RNF125: variants seen among roughly 807,000 people sequenced by gnomAD.
RNF125 encodes the protein E3 ubiquitin-protein ligase RNF125.
Under a neutral mutation model 26.0 loss-of-function variants are expected in RNF125, and 21 were observed. That is an observed-to-expected ratio of 0.81 (90% confidence interval 0.57 to 1.16). The LOEUF is 1.16. Ranked by LOEUF, RNF125 falls within the 50% of genes most tolerant of loss-of-function variation. The probability of loss-of-function intolerance (pLI) is 0.00; values close to 1 mark genes in which losing one functional copy is unlikely to be tolerated. For missense variants in RNF125, 270 were observed against 299.4 expected (o/e 0.90, Z 0.72); for synonymous variants, 95 against 109.2 (o/e 0.87, Z 0.81).
chr18:32,075,757 A>G (rs1053596500), downstream of RNF125: 9 of 527,528 alleles, frequency 1.7e-5, no homozygotes, highest in South Asian at 1.1e-4. Flanking sequence ...TAAAAGCATC[A>G]ATCTGATTGT....
At chr18:32,076,067 T>G, downstream of RNF125, 1 of 697,006 alleles carries the variant, frequency 1.4e-6, no homozygotes, top group Middle Eastern at 4.2e-4. Context: ...ACTCTACACT[T>G]GTTTAGCCTG....
At chr18:32,060,192 G>A (rs1256644260) in intron 4 of RNF125, among the ~76,000 whole-genome samples, 5 of 152,174 alleles carry the variant, frequency 3.3e-5, no homozygotes, top group Admixed American at 2.6e-4. Flanking sequence ...CAGGGCTAAG[G>A]GGATCAACTG....
At chr18:32,035,492 G>A (rs2039143985) in intron 1 of RNF125, among the ~76,000 whole-genome samples, 1 of 152,166 alleles carries the variant, frequency 6.6e-6, no homozygotes, top group Non-Finnish European at 1.5e-5. Flanking sequence ...TCATCAGCAA[G>A]TATTTAAATA....
chr18:32,085,016 AG>A, the RNF125 span, among the ~76,000 whole-genome samples: 1 of 152,270 alleles, frequency 6.6e-6, no homozygotes, highest in East Asian at 1.9e-4. Context: ...GTGTGAGGAG[AG>A]AATTTAAGCT....
intron 4 of RNF125, 90 bp downstream of exon 4, chr18:32,045,822 T>C: frequency 1.3e-6 from 1 of 750,152 alleles, no homozygotes; most frequent in Non-Finnish European, 2.2e-6. Flanking sequence ...TATAGATACC[T>C]TATAAAGGAT....
chr18:32,024,874 A>T (rs1196575432), intron 1 of RNF125, among the ~76,000 whole-genome samples: 3 of 152,164 alleles, frequency 2.0e-5, no homozygotes, highest in African/African-American at 7.2e-5. Flanking sequence ...TGAGCCCAGG[A>T]GTTGGAAACC....
At chr18:32,044,314 A>C (rs2039247764) in intron 3 of RNF125, among the ~76,000 whole-genome samples, 2 of 152,120 alleles carry the variant, frequency 1.3e-5, no homozygotes, top group Admixed American at 6.6e-5. Flanking sequence ...CTAGAAATAT[A>C]ATGTTAATCA....
chr18:32,068,513 TTTATTG>T lies in RNF125; in HGVS notation c.*134_*139del, dbSNP rs1460057078. ...CAACACAGTTATGTGTTTGTCCATG[TTTATTG>T]TTATAGTGCATTTAAAAACTGCTTT... On this transcript the variant is annotated 3_prime_UTR_variant, in exon 6 of 6. Transcript: ENST00000217740. 362 of 612,848 alleles carry T rather than the reference TTTATTG, an allele frequency of 5.9e-4. No individual in the cohort carries two copies. In the African/African-American group the frequency reaches 6.0e-3, roughly 10 times the overall value. The allele number at this position is 612,848 out of a possible 1,614,324, so 38.0% of individuals were successfully genotyped here.
intron 4 of RNF125, among the ~76,000 whole-genome samples, chr18:32,064,405 T>TTC (rs1211011488): frequency 7.4e-6 from 1 of 135,924 alleles, no homozygotes; most frequent in East Asian, 2.1e-4. Flanking sequence ...TCTTTTTTTT[T>TTC]TTTTTTTTTT....
chr18:32,087,476 G>A, the RNF125 span, among the ~76,000 whole-genome samples: 1 of 151,804 alleles, frequency 6.6e-6, no homozygotes. Context: ...ATCTGACACT[G>A]TCTCTGGGTA....
At chr18:32,083,046 G>C in the RNF125 span, among the ~76,000 whole-genome samples, 1 of 152,226 alleles carries the variant, frequency 6.6e-6, no homozygotes, top group Admixed American at 6.5e-5. Flanking sequence ...TGATGCCCAT[G>C]AGATGCTGTG....
rs1250556254 is a variant in RNF125, at chr18:32,068,666, G to A, written c.*282G>A. The stretch of plus-strand genomic sequence containing the variant: ...ACAGGTGGTAGGCAAGTAGGTGGAG[G>A]ATCTCGGTTTGCAAATTAGATAATA... On this transcript the variant is annotated 3_prime_UTR_variant, in exon 6 of 6. Coordinates refer to ENST00000217740, the MANE Select transcript of RNF125 (RefSeq NM_017831.4). The A allele has an allele frequency of 1.3e-5, 4 of 312,932 alleles. No individual in the cohort carries two copies. The highest frequency in any genetic ancestry group is 1.8e-5 in the Non-Finnish European group (3 of 167,196). 19.4% of individuals were successfully genotyped at this position (312,932 alleles called of 1,614,324 possible).
Position 32,019,047 on chromosome 18 carries a change from G to A in RNF125, c.164+20G>A. 1.2e-6 allele frequency: 2 copies of A among 1,610,400 alleles called. No individual in the cohort carries two copies. Among genetic ancestry groups the A allele is most frequent in the Non-Finnish European group, 1.7e-6 (2 of 1,178,496 alleles). On this transcript the variant is annotated intron_variant, in intron 1 of 5. Transcript: ENST00000217740. ...CCACGTGTAAGTTCCAGGGGAGCTC[G>A]GTTTGCGCCCACCCCTAAGGAGGGC...
At chr18:32,030,323 G>A (rs547798906) in intron 1 of RNF125, among the ~76,000 whole-genome samples, 13 of 152,192 alleles carry the variant, frequency 8.5e-5, no homozygotes, top group Non-Finnish European at 1.6e-4. Context: ...GATTACAGGC[G>A]TGAGCCACCC....
intron 1 of RNF125, among the ~76,000 whole-genome samples, chr18:32,020,220 G>T (rs1230863010): frequency 6.6e-6 from 1 of 152,110 alleles, no homozygotes; most frequent in East Asian, 2.0e-4. Context: ...GCTAGTTTTT[G>T]AATTTTGAGT....
At chr18:32,089,192 T>C in the RNF125 span, among the ~76,000 whole-genome samples, 1 of 152,224 alleles carries the variant, frequency 6.6e-6, no homozygotes, top group Admixed American at 6.5e-5. Context: ...TCAGCAAGTT[T>C]CAGCAAGAGA....
intron 1 of RNF125, among the ~76,000 whole-genome samples, chr18:32,028,461 C>T (rs2039061051): frequency 6.6e-6 from 1 of 151,886 alleles, no homozygotes; most frequent in Admixed American, 6.6e-5. Context: ...CTTTCTCTAC[C>T]AATGTAGACT....
intron 4 of RNF125, among the ~76,000 whole-genome samples, chr18:32,050,943 G>A (rs760386799): frequency 1.3e-4 from 15 of 112,776 alleles, no homozygotes; most frequent in Admixed American, 2.7e-4. Flanking sequence ...GCTGAGTCTC[G>A]AACTTGTGAG....
At chr18:32,042,110 C>A in intron 2 of RNF125, 69 bp from the exon 3 acceptor site, 1 of 1,091,244 alleles carries the variant, frequency 9.2e-7, no homozygotes, top group Non-Finnish European at 1.4e-6. Flanking sequence ...AGTTAAAAGG[C>A]TGGATCGCAT....
Sources: allele counts gnomAD v4.1 joint callset (sites outside exome capture counted in the v4.1 genomes callset), GRCh38; gene constraint gnomAD v4.1.1; transcripts MANE v1.5; gene names NCBI Gene and HGNC (gene_info 2026-07-23, HGNC 2026-07-21).